Variants in NALCN observed in about 807,000 individuals in gnomAD.
The protein encoded by NALCN is sodium leak channel, non-selective.
Under a neutral mutation model 225.3 loss-of-function variants are expected in NALCN, and 111 were observed. The ratio of observed to expected loss-of-function variants is 0.49; its 90% CI spans 0.42 to 0.58. The LOEUF is 0.58. NALCN is among the 20% of genes least tolerant of loss of function. The pLI is 0.00. For missense variants in NALCN, 1,378 were observed against 2,202.4 expected (o/e 0.63, Z 7.49); for synonymous variants, 764 against 769.0 (o/e 0.99, Z 0.11).
chr13:101,169,792 G>A (rs999717804), intron 15 of NALCN, among the ~76,000 whole-genome samples: 14 of 152,276 alleles, frequency 9.2e-5, no homozygotes, highest in Admixed American at 2.0e-4. Flanking sequence ...TAGTTGCCAC[G>A]TCTTTAATAT....
At chr13:101,144,348 G>A (rs1200518389) in intron 16 of NALCN, among the ~76,000 whole-genome samples, 1 of 152,132 alleles carries the variant, frequency 6.6e-6, no homozygotes, top group East Asian at 1.9e-4. Context: ...GGCCAGCTGT[G>A]GTTTCCCTGT....
chr13:101,307,505 C>T (rs1259688398), intron 7 of NALCN, among the ~76,000 whole-genome samples: 1 of 152,202 alleles, frequency 6.6e-6, no homozygotes, highest in Non-Finnish European at 1.5e-5. Context: ...AGCGGCATTC[C>T]AATGAATCCG....
rs1226791133 is a variant in NALCN, at chr13:101,292,011, A to G, written c.1026T>C (p.Thr342=). 4 of 1,614,134 alleles carry G rather than the reference A, an allele frequency of 2.5e-6. No individual in the cohort carries two copies. The highest frequency in any genetic ancestry group is 3.4e-6 in the Non-Finnish European group (4 of 1,180,020). The change falls in exon 9 of 44, where the codon ACT becomes ACC. Residue 342 remains threonine (T), a synonymous_variant. Transcript: ENST00000251127. The surrounding 1 kb of genome is among the most constrained non-coding windows in gnomAD (Gnocchi z 4.3). ...FQQMWGSRSS[T]TSTATTQMFH... is the part of the protein sequence containing the mutation. ...GTACCTGGGTGGTGGCTGTTGAGGT[A>G]GTGCTGCTTCTCGATCCCCACATTT...
intron 2 of NALCN, among the ~76,000 whole-genome samples, chr13:101,397,121 C>CAT (rs10679116): frequency 0.61 from 65,955 of 108,480 alleles, 18,711 homozygotes; most frequent in East Asian, 0.8. Flanking sequence ...CATACACATA[C>CAT]ATATATATAA....
chr13:101,160,758 G>A (rs16958524), intron 15 of NALCN, among the ~76,000 whole-genome samples: 5,621 of 152,092 alleles, frequency 0.037, 319 homozygotes, highest in African/African-American at 0.12. Context: ...GCCAGAAACC[G>A]GGCCAAAGAC....
At chr13:101,195,227 C>G (rs150596579) in intron 13 of NALCN, among the ~76,000 whole-genome samples, 260 of 152,230 alleles carry the variant, frequency 1.7e-3, no homozygotes, top group South Asian at 3.3e-3. Context: ...ACTACCTATT[C>G]GCATGTTATT....
At chr13:101,079,974 AC>A (rs2033518348) in intron 34 of NALCN, among the ~76,000 whole-genome samples, 1 of 152,218 alleles carries the variant, frequency 6.6e-6, no homozygotes, top group Non-Finnish European at 1.5e-5. Context: ...ACAGGGAAAA[AC>A]CGATAATATT....
At chr13:101,172,865 C>T (rs1000343884) in intron 15 of NALCN, among the ~76,000 whole-genome samples, 1 of 152,138 alleles carries the variant, frequency 6.6e-6, no homozygotes, top group Non-Finnish European at 1.5e-5. Flanking sequence ...CCGCGCCTGG[C>T]CAACACCCCC....
Position 101,065,418 on chromosome 13 carries a change from G to A in NALCN, c.4590C>T (p.Phe1530=). The A allele has an allele frequency of 6.2e-7, 1 of 1,614,146 alleles. No homozygotes were observed. The highest frequency in any genetic ancestry group is 1.3e-5 in the African/African-American group (1 of 75,064). ...CTGCCTTGTACCTCAGGACATCATG[G>A]AAGGTGACGTCGCCGCCATTGTGGA... ...ERLHNGGDVT[F]HDVLSMLSYR... The change falls in exon 40 of 44, where the codon TTC becomes TTT. Residue 1530 remains phenylalanine, a synonymous_variant. Transcript: ENST00000251127.
At chr13:101,198,664 G>T (rs554342443) in intron 13 of NALCN, among the ~76,000 whole-genome samples, 2 of 152,304 alleles carry the variant, frequency 1.3e-5, no homozygotes, top group South Asian at 4.1e-4. Flanking sequence ...AGGATGTGGA[G>T]AAATACGAAC....
intron 13 of NALCN, among the ~76,000 whole-genome samples, chr13:101,210,020 C>T (rs2040461968): frequency 1.3e-5 from 2 of 152,194 alleles, no homozygotes; most frequent in South Asian, 4.1e-4. Flanking sequence ...ACAGCAAAAG[C>T]CACAGCAGCA....
At chr13:101,056,777 G>T (rs902062107) in intron 43 of NALCN, among the ~76,000 whole-genome samples, 23 of 152,206 alleles carry the variant, frequency 1.5e-4, no homozygotes, top group African/African-American at 5.1e-4. Context: ...CTCCTTTGCT[G>T]CCAAGTCAAC....
intron 40 of NALCN, among the ~76,000 whole-genome samples, chr13:101,064,533 T>C (rs1365622924): frequency 6.6e-6 from 1 of 151,092 alleles, no homozygotes; most frequent in African/African-American, 2.4e-5. Context: ...CAGATGTTCT[T>C]ATAAAAGGAG....
chr13:101,243,202 A>G (rs1161807485), intron 11 of NALCN, among the ~76,000 whole-genome samples: 1 of 99,610 alleles, frequency 1.0e-5, no homozygotes, highest in African/African-American at 3.7e-5. Context: ...AGCTGTGTGG[A>G]TAGGCTATTT....
intron 13 of NALCN, among the ~76,000 whole-genome samples, chr13:101,227,502 G>A (rs957739678): frequency 6.6e-6 from 1 of 152,154 alleles, no homozygotes; most frequent in Non-Finnish European, 1.5e-5. Context: ...GCTATACACA[G>A]GGAATTGAGG....
chr13:101,111,013 G>T, intron 19 of NALCN, 112 bp downstream of exon 19: 2 of 1,048,186 alleles, frequency 1.9e-6, no homozygotes, highest in Non-Finnish European at 2.8e-6. Flanking sequence ...CGATTCCTCA[G>T]CCATGCCTGT....
chr13:101,108,794 G>A (rs1477312818), intron 20 of NALCN, among the ~76,000 whole-genome samples: 7 of 152,138 alleles, frequency 4.6e-5, no homozygotes, highest in Non-Finnish European at 1.0e-4. Flanking sequence ...TTTACAGAAA[G>A]CACTCCTTAG....
chr13:101,101,722 T>C (rs181437401), intron 26 of NALCN, among the ~76,000 whole-genome samples: 1 of 152,292 alleles, frequency 6.6e-6, no homozygotes, highest in Admixed American at 6.5e-5. Flanking sequence ...AATCTGTTAA[T>C]TAACTCATGC....
chr13:101,129,571 G>T (rs2036410793), intron 17 of NALCN, among the ~76,000 whole-genome samples: 1 of 152,074 alleles, frequency 6.6e-6, no homozygotes, highest in Non-Finnish European at 1.5e-5. Flanking sequence ...AGAAGCCCTG[G>T]TTTACTTATT....
Sources: allele counts gnomAD v4.1 joint callset (sites outside exome capture counted in the v4.1 genomes callset), GRCh38; gene constraint gnomAD v4.1.1; non-coding constraint Gnocchi (gnomAD v3.1); transcripts MANE v1.5; gene names NCBI Gene and HGNC (gene_info 2026-07-23, HGNC 2026-07-21).